CCR6: variants seen among roughly 807,000 people sequenced by gnomAD.
CCR6 encodes C-C motif chemokine receptor 6, also known as C-C chemokine receptor type 6.
A neutral mutation model predicts 3.0 loss-of-function variants in CCR6; 2 were observed. The observed-to-expected ratio is 0.66, with a 90% CI of 0.27 to 2.07. The LOEUF (loss-of-function observed/expected upper bound fraction) is 2.07. CCR6 is among the 30% of genes most tolerant of loss of function. The pLI, the probability that CCR6 is intolerant of heterozygous loss-of-function variation, is 0.14. For synonymous variants in CCR6, 193 were observed against 184.3 expected (o/e 1.05, Z -0.38); for missense variants, 322 against 462.8 (o/e 0.70, Z 2.79).
chr6:167,132,575 C>T (rs1781785498), intron 1 of CCR6, among the ~76,000 whole-genome samples: 1 of 152,116 alleles, frequency 6.6e-6, no homozygotes, highest in African/African-American at 2.4e-5. Context: ...GAGTCTCTCT[C>T]TGTCACCCAG....
chr6:167,117,415 C>CTTTTTTTTTTTTTT (rs35058463), intron 1 of CCR6, among the ~76,000 whole-genome samples: 50 of 109,890 alleles, frequency 4.6e-4, no homozygotes, highest in African/African-American at 9.7e-4. Context: ...TTTTTTTTTT[C>CTTTTTTTTTTTTTT]TTTTTTTTTT....
At position 167,123,113 on chromosome 6, in the gene CCR6, T is replaced by A. The variant is rs1376464623; in HGVS notation, c.-208T>A. On this transcript the variant is annotated 5_prime_UTR_variant, in exon 1 of 3. Coordinates refer to ENST00000341935, the MANE Select transcript of CCR6 (RefSeq NM_031409.4). ...AGCTCACCGCTTTTTTCTTAATGAC[T>A]GCTAGAAGCTGCATCTTATTGACAG... 6.5e-6 allele frequency: 1 copy of A among 152,804 alleles called. No homozygotes were observed. Among genetic ancestry groups the A allele is most frequent in the Admixed American group, 6.5e-5 (1 of 15,292 alleles). The allele number at this position is 152,804 out of a possible 1,614,324, so 9.5% of individuals were successfully genotyped here.
Position 167,136,756 on chromosome 6 carries a change from G to C in CCR6, c.526G>C (p.Val176Leu), listed in dbSNP as rs1315697715. Residue 176 changes from valine to leucine, a missense_variant, in exon 3 of 3, where the codon GTC (valine) becomes CTC (leucine). By Grantham distance (32) the Val-to-Leu change is conservative. Transcript: ENST00000341935. This position sits in a 1 kb window ranked among gnomAD's most constrained non-coding sequence, Gnocchi z 4.6. ...IICLVVWGLS[V>L]IISSSTFVFN... is the part of the protein sequence containing the mutation. The stretch of plus-strand genomic sequence containing the variant: ...CTGCCTTGTTGTGTGGGGGCTGTCA[G>C]TCATCATCTCCAGCTCAACTTTTGT... The C allele has an allele frequency of 6.2e-7, 1 of 1,613,992 alleles. No homozygotes were observed. The highest frequency in any genetic ancestry group is 1.7e-5 in the Admixed American group (1 of 60,030).
In CCR6 at chr6:167,136,806, A is replaced by C. The variant is rs765655027; in HGVS notation, c.576A>C (p.Gln192His). ...TFVFNQKYNT[Q>H]GSDVCEPKYQ... ...TCTTCAACCAAAAATACAACACCCAAGGCAGCGATGTCTGTGAACCCAAGT... is the reference window on the plus strand; with the variant it reads ...TCTTCAACCAAAAATACAACACCCACGGCAGCGATGTCTGTGAACCCAAGT... Residue 192 changes from glutamine to histidine, a missense_variant, in exon 3 of 3, where the codon CAA becomes CAC. Gln to His is a conservative substitution (Grantham distance 24, BLOSUM62 0). Coordinates refer to ENST00000341935, the MANE Select transcript of CCR6 (RefSeq NM_031409.4). This position sits in a 1 kb window ranked among gnomAD's most constrained non-coding sequence, Gnocchi z 4.6. 2 of 1,614,044 alleles carry C rather than the reference A, an allele frequency of 1.2e-6. No homozygotes were observed. The highest frequency in any genetic ancestry group is 1.7e-6 in the Non-Finnish European group (2 of 1,180,038).
chr6:167,112,746 G>A (rs924047178), intron 1 of CCR6, among the ~76,000 whole-genome samples: 5 of 152,126 alleles, frequency 3.3e-5, no homozygotes, highest in South Asian at 2.1e-4. Flanking sequence ...GAGCCACAGC[G>A]TGCTGACGAA....
At position 167,136,485 on chromosome 6, in the gene CCR6, C is replaced by G. The variant is rs774555492; in HGVS notation, c.255C>G (p.Leu85=). The change falls in exon 3 of 3, where the codon CTC becomes CTG. Residue 85 remains leucine, a synonymous_variant. Transcript: ENST00000341935. The surrounding 1 kb of genome is among the most constrained non-coding windows in gnomAD (Gnocchi z 4.6). The part of the protein sequence containing the change: ...KKARSMTDVY[L]LNMAIADILF... ...CCAGGTCTATGACAGACGTCTATCT[C>G]TTGAACATGGCCATTGCAGACATCC... The G allele has an allele frequency of 2.5e-6, 4 of 1,595,782 alleles. No homozygotes were observed. Among genetic ancestry groups the G allele is most frequent in the Non-Finnish European group, 2.6e-6 (3 of 1,170,526 alleles).
intron 1 of CCR6, among the ~76,000 whole-genome samples, chr6:167,133,534 G>A (rs1291638330): frequency 6.6e-6 from 1 of 151,510 alleles, no homozygotes; most frequent in Non-Finnish European, 1.5e-5. Flanking sequence ...TGGGTAGTGT[G>A]AGTCCTCCAT....
chr6:167,130,127 T>C (rs925793652), intron 1 of CCR6, among the ~76,000 whole-genome samples: 1 of 151,694 alleles, frequency 6.6e-6, no homozygotes, highest in Admixed American at 6.6e-5. Context: ...TTTAATGACA[T>C]CAAAGTGAGA....
chr6:167,125,118 G>GCACA (rs150723360), intron 1 of CCR6, among the ~76,000 whole-genome samples: 1 of 151,106 alleles, frequency 6.6e-6, no homozygotes. Context: ...ACCGACATAT[G>GCACA]CACACACACA....
chr6:167,133,647 A>G (rs920726909), intron 1 of CCR6, among the ~76,000 whole-genome samples: 3 of 151,596 alleles, frequency 2.0e-5, no homozygotes, highest in Non-Finnish European at 4.4e-5. Flanking sequence ...AAAAAACCCT[A>G]CCATAATTTT....
intron 1 of CCR6, chr6:167,115,913 T>C (rs1781485559): frequency 6.6e-6 from 1 of 152,218 alleles, no homozygotes; most frequent in Admixed American, 6.5e-5. Context: ...TGAGGCTGTA[T>C]CTATAATGTC....
chr6:167,123,090 C>G (rs937631429), upstream of CCR6: 6 of 152,756 alleles, frequency 3.9e-5, no homozygotes, highest in African/African-American at 1.4e-4. Flanking sequence ...ATTCTAGTAG[C>G]TCACCGCTTT....
Position 167,137,079 on chromosome 6 carries a change from A to G in CCR6, c.849A>G (p.Lys283=). The G allele has an allele frequency of 6.2e-7, 1 of 1,614,146 alleles. No homozygotes were observed. Among genetic ancestry groups the G allele is most frequent in the East Asian group, 2.2e-5 (1 of 44,886 alleles). The change falls in exon 3 of 3, where the codon AAA becomes AAG. Residue 283 remains lysine, a synonymous_variant. Transcript: ENST00000341935. The surrounding 1 kb of genome is among the most constrained non-coding windows in gnomAD (Gnocchi z 4.6). The stretch of plus-strand genomic sequence containing the variant: ...TTGTGACGGCTGCAAATTTGGGTAA[A>G]ATGAACCGATCCTGCCAGAGCGAAA... ...VLLVTAANLG[K]MNRSCQSEKL... is the part of the protein sequence containing the mutation.
rs910055630 is a variant in CCR6 at position 167,136,464 on chromosome 6, G to A, written c.234G>A (p.Arg78=). The change falls in exon 3 of 3, where the codon AGG becomes AGA. Residue 78 remains arginine, a synonymous_variant. Coordinates refer to ENST00000341935, the MANE Select transcript of CCR6 (RefSeq NM_031409.4). This position sits in a 1 kb window ranked among gnomAD's most constrained non-coding sequence, Gnocchi z 4.6. ...VITFAFYKKA[R]SMTDVYLLNM... ...CCTTTGCTTTTTATAAGAAGGCCAG[G>A]TCTATGACAGACGTCTATCTCTTGA... 1.2e-6 allele frequency: 2 copies of A among 1,604,650 alleles called. No homozygotes were observed. The highest frequency in any genetic ancestry group is 4.5e-5 in the East Asian group (2 of 44,806).
intron 1 of CCR6, among the ~76,000 whole-genome samples, chr6:167,112,346 G>T (rs1335776284): frequency 6.6e-6 from 1 of 152,126 alleles, no homozygotes; most frequent in Non-Finnish European, 1.5e-5. Flanking sequence ...GGCCATGGAG[G>T]GTTGGGAGGC....
chr6:167,114,682 C>T (rs886525063), intron 1 of CCR6, among the ~76,000 whole-genome samples: 4 of 152,212 alleles, frequency 2.6e-5, no homozygotes, highest in East Asian at 1.9e-4. Context: ...CTGACGTCAC[C>T]GTGCACACGT....
In CCR6 at chr6:167,136,098, C is replaced by G; in HGVS notation, c.-37C>G. 1 of 1,612,224 alleles carries G rather than the reference C, an allele frequency of 6.2e-7. No individual in the cohort carries two copies. Among genetic ancestry groups the G allele is most frequent in the African/African-American group, 1.3e-5 (1 of 74,924 alleles). ...GCTGAAGGGGCTGAACCATACACTC[C>G]TTTTTCTACAACCAGCTTGCATTTT... On this transcript the variant is annotated 5_prime_UTR_variant, in exon 2 of 3. Coordinates refer to ENST00000341935, the MANE Select transcript of CCR6 (RefSeq NM_031409.4). This position sits in a 1 kb window ranked among gnomAD's most constrained non-coding sequence, Gnocchi z 4.6.
intron 1 of CCR6, chr6:167,115,468 C>T (rs1432862288): frequency 6.6e-6 from 1 of 152,200 alleles, no homozygotes; most frequent in Non-Finnish European, 1.5e-5. Flanking sequence ...TCAACAATAC[C>T]TCTTTTTCCA....
Position 167,139,029 on chromosome 6 carries a change from A to C in CCR6, c.*1674A>C, listed in dbSNP as rs985933487. 1 of 152,292 alleles carries C rather than the reference A, an allele frequency of 6.6e-6. No individual in the cohort carries two copies. The highest frequency in any genetic ancestry group is 1.5e-5 in the Non-Finnish European group (1 of 68,032). The allele number at this position is 152,292 out of a possible 1,614,324, so 9.4% of individuals were successfully genotyped here. ...TTTGAAACTTTATATTGTTCTTGTA[A>C]GCTTTAACTATATCTCTCTTTAAAA... On this transcript the variant is annotated 3_prime_UTR_variant, in exon 3 of 3. Transcript: ENST00000341935.
Sources: gnomAD v4.1 joint callset for allele counts (sites outside exome capture counted in the v4.1 genomes callset) on GRCh38, gnomAD v4.1.1 for gene constraint, Gnocchi (gnomAD v3.1) non-coding constraint, MANE v1.5 for transcripts, NCBI Gene and HGNC (gene_info 2026-07-23, HGNC 2026-07-21) for gene names.